Variants in MAGEA9 observed in about 807,000 individuals in gnomAD.
The protein encoded by MAGEA9 is melanoma-associated antigen 9.
intron 1 of MAGEA9, among the ~76,000 whole-genome samples, chrX:149,782,751 A>C (rs2090518676): frequency 6.5e-5 from 1 of 15,444 alleles, no homozygotes; most frequent in African/African-American, 4.1e-4. Flanking sequence ...GGGAGGGCTG[A>C]ACGCCTCCAC....
chrX:149,782,542 G>A (rs2090517560), intron 1 of MAGEA9, among the ~76,000 whole-genome samples: 1 of 4,527 alleles, frequency 2.2e-4, no homozygotes, highest in Non-Finnish European at 4.0e-4. Context: ...GGGGCGGGTC[G>A]ATATCGGTGG....
At position 149,787,252 on chromosome X, in the gene MAGEA9, GTGTT is replaced by G; in HGVS notation, c.*97_*100del. 3 of 438,358 alleles carry G rather than the reference GTGTT, an allele frequency of 6.8e-6. No individual in the cohort carries two copies. The highest frequency in any genetic ancestry group is 1.2e-5 in the Non-Finnish European group (3 of 256,821). The allele number at this position is 438,358 out of a possible 1,213,427, so 36.1% of individuals were successfully genotyped here. A position where few individuals can be genotyped will look rare whatever the true frequency, so the allele number is the denominator to read the frequency against. ...TGACATGAGGCCCATTCTTCGCTCT[GTGTT>G]TGAAGAGAGCAATCAGTGTTCTCAG... On this transcript the variant is annotated 3_prime_UTR_variant, in exon 4 of 4. Coordinates refer to ENST00000243314, the MANE Select transcript of MAGEA9 (RefSeq NM_005365.5).
At chrX:149,784,569 A>G in intron 1 of MAGEA9, among the ~76,000 whole-genome samples, 1 of 103,370 alleles carries the variant, frequency 9.7e-6, no homozygotes, top group Non-Finnish European at 2.0e-5. Context: ...CACCCCACAG[A>G]GTCTAGGTGA....
At position 149,787,129 on chromosome X, in the gene MAGEA9, GT is replaced by G; in HGVS notation, c.923del (p.Leu308TrpfsTer34). ...CTGCTACCCATCCCTTTATGAAGAG[GT>G]TTTGGGAGAGGAGCAAGAGGGAGTC... is the stretch of plus-strand genomic sequence containing the variant. ...PICYPSLYEE[V>X]LGEEQEGV On this transcript the variant is annotated frameshift_variant, in exon 4 of 4. Transcript: ENST00000243314. LOFTEE classifies it high-confidence loss of function. 7.2e-6 allele frequency: 2 copies of G among 277,721 alleles called. No individual in the cohort carries two copies. Among genetic ancestry groups the G allele is most frequent in the Non-Finnish European group, 7.0e-6 (1 of 142,439 alleles). The allele number at this position is 277,721 out of a possible 1,213,427, so 22.9% of individuals were successfully genotyped here.
At chrX:149,782,867 A>G (rs1393889163) in intron 1 of MAGEA9, among the ~76,000 whole-genome samples, 4 of 24,633 alleles carry the variant, frequency 1.6e-4, no homozygotes, top group African/African-American at 9.5e-4. Flanking sequence ...CCGTGGCAGA[A>G]TCCGGTTCGG....
intron 1 of MAGEA9, among the ~76,000 whole-genome samples, chrX:149,782,786 A>T (rs2090519024): frequency 4.7e-5 from 1 of 21,364 alleles, no homozygotes. Flanking sequence ...CACCACCACC[A>T]TGACCTACAG....
intron 1 of MAGEA9, among the ~76,000 whole-genome samples, chrX:149,784,625 G>A (rs2090525512): frequency 8.8e-6 from 1 of 113,262 alleles, no homozygotes; most frequent in Non-Finnish European, 1.9e-5. Context: ...GATCAAGGAT[G>A]GTGCTAAGTG....
chrX:149,782,820 T>C (rs2090519289), intron 1 of MAGEA9, among the ~76,000 whole-genome samples: 2 of 26,633 alleles, frequency 7.5e-5, no homozygotes, highest in Admixed American at 5.5e-4. Flanking sequence ...ACCTCCATCC[T>C]CACCCCCCCC....
chrX:149,782,612 A>T (rs1602960228), intron 1 of MAGEA9, among the ~76,000 whole-genome samples: 3 of 6,142 alleles, frequency 4.9e-4, no homozygotes, highest in Non-Finnish European at 7.6e-4. Flanking sequence ...AGGACTCAAG[A>T]CCCCCCGCCC....
At chrX:149,784,839 GAC>G (rs1213313056) in intron 1 of MAGEA9, among the ~76,000 whole-genome samples, 1 of 71,893 alleles carries the variant, frequency 1.4e-5, no homozygotes, top group African/African-American at 5.2e-5. Context: ...GTCAGCCCCG[GAC>G]ACCCCACGCA....
At chrX:149,782,561 G>A (rs1485633745) in intron 1 of MAGEA9, among the ~76,000 whole-genome samples, 1 of 6,039 alleles carries the variant, frequency 1.7e-4, no homozygotes, top group African/African-American at 1.1e-3. Flanking sequence ...GGAGGGAAGC[G>A]GGCCCAGGCT....
chrX:149,782,859 G>A (rs1314395626), intron 1 of MAGEA9, among the ~76,000 whole-genome samples: 5 of 26,037 alleles, frequency 1.9e-4, no homozygotes, highest in Non-Finnish European at 3.0e-4. Flanking sequence ...CAAGTCTCCC[G>A]TGGCAGAATC....
intron 1 of MAGEA9, among the ~76,000 whole-genome samples, chrX:149,784,601 G>GC (rs2090525010): frequency 9.0e-6 from 1 of 110,732 alleles, no homozygotes; most frequent in African/African-American, 3.3e-5. Flanking sequence ...AGATCTGGGG[G>GC]CGGGGGGGGG....
At chrX:149,782,868 T>C in intron 1 of MAGEA9, among the ~76,000 whole-genome samples, 1 of 22,975 alleles carries the variant, frequency 4.4e-5, no homozygotes, top group Non-Finnish European at 6.7e-5. Context: ...CGTGGCAGAA[T>C]CCGGTTCGGC....
At chrX:149,782,816 A>C (rs2090519269) in intron 1 of MAGEA9, among the ~76,000 whole-genome samples, 5 of 27,454 alleles carry the variant, frequency 1.8e-4, no homozygotes, top group Admixed American at 5.5e-4. Context: ...CCCCACCTCC[A>C]TCCTCACCCC....
At position 149,787,173 on chromosome X, in the gene MAGEA9, C is replaced by CG. The variant is rs2124015209; in HGVS notation, c.*19dup. 1 of 285,817 alleles carries CG rather than the reference C, an allele frequency of 3.5e-6. No homozygotes were observed. The highest frequency in any genetic ancestry group is 2.7e-5 in the African/African-American group (1 of 37,247). 23.6% of individuals were successfully genotyped at this position (285,817 alleles called of 1,213,427 possible). Reference sequence around the variant, plus strand: ...AGGGAGTCTGAGCACCAGCCGCAGCCGGGGCCAAAGTTTGTGGGGTCAGGG... The same window carrying CG: ...AGGGAGTCTGAGCACCAGCCGCAGCCGGGGGCCAAAGTTTGTGGGGTCAGGG... On this transcript the variant is annotated 3_prime_UTR_variant, in exon 4 of 4. Transcript: ENST00000243314.
rs1258242653 is a variant in MAGEA9 at position 149,784,602 on chromosome X, CG to C, written c.-221-1146del. 4.4e-4 allele frequency among the ~76,000 whole-genome samples: 47 copies of C among 107,577 alleles called. 1 individual carries two copies. Among genetic ancestry groups the C allele is most frequent in the Middle Eastern group, 4.8e-3 (1 of 209 alleles). The allele number at this position is 107,577 out of a possible 115,157, so 93.4% of individuals were successfully genotyped here. Reference sequence around the variant, plus strand: ...TGAACTCTGTTCTTAGATCTGGGGGCGGGGGGGGGCCTGATCAAGGATGGTG... The same window carrying C: ...TGAACTCTGTTCTTAGATCTGGGGGCGGGGGGGGCCTGATCAAGGATGGTG... On this transcript the variant is annotated intron_variant, in intron 1 of 3. Transcript: ENST00000243314.
In MAGEA9 at chrX:149,787,108, TACCCATCC is replaced by T; in HGVS notation, c.899_906del (p.Tyr300SerfsTer3). The stretch of plus-strand genomic sequence containing the variant: ...GCTCAATGCAAGAGAGCCCATCTGC[TACCCATCC>T]CTTTATGAAGAGGTTTTGGGAGAGG... On this transcript the variant is annotated frameshift_variant, in exon 4 of 4. Coordinates refer to ENST00000243314, the MANE Select transcript of MAGEA9 (RefSeq NM_005365.5). LOFTEE classifies it high-confidence loss of function. 3.9e-6 allele frequency: 1 copy of T among 255,449 alleles called. No homozygotes were observed. The highest frequency in any genetic ancestry group is 7.7e-6 in the Non-Finnish European group (1 of 129,788). 21.1% of individuals were successfully genotyped at this position (255,449 alleles called of 1,213,427 possible).
chrX:149,787,061 AG>A lies in MAGEA9; in HGVS notation c.853del (p.Val285SerfsTer2). ...GCCCACGCTGAAACCAGCTATGAGA[AG>A]GTCATAAATTATTTGGTCATGCTCA... ...SKAHAETSYE[K>X]VINYLVMLNA... On this transcript the variant is annotated frameshift_variant, in exon 4 of 4. Transcript: ENST00000243314. LOFTEE classifies it high-confidence loss of function. The A allele has an allele frequency of 4.2e-6, 1 of 239,312 alleles. No individual in the cohort carries two copies. Among genetic ancestry groups the A allele is most frequent in the African/African-American group, 3.5e-5 (1 of 28,504 alleles). The allele number at this position is 239,312 out of a possible 1,213,427, so 19.7% of individuals were successfully genotyped here. A position where few individuals can be genotyped will look rare whatever the true frequency, so the allele number is the denominator to read the frequency against.
Sources: allele counts gnomAD v4.1 joint callset (sites outside exome capture counted in the v4.1 genomes callset), GRCh38; gene constraint gnomAD v4.1.1; transcripts MANE v1.5; gene names NCBI Gene and HGNC (gene_info 2026-07-23, HGNC 2026-07-21).